The following NVL variants were observed in gnomAD, a reference collection of about 807,000 sequenced individuals.
NVL encodes nuclear VCP like.
A neutral mutation model predicts 110.2 loss-of-function variants in NVL; 84 were observed. The ratio of observed to expected loss-of-function variants is 0.76; its 90% CI spans 0.64 to 0.91. NVL has a LOEUF of 0.91. Ranked by LOEUF, NVL falls within the 40% of genes least tolerant of loss-of-function variation. The probability of loss-of-function intolerance (pLI) is 0.00; values close to 1 mark genes in which losing one functional copy is unlikely to be tolerated. For missense variants in NVL, 882 were observed against 1,035.9 expected, an observed-to-expected ratio of 0.85 and a Z score of 2.04; for synonymous variants, 354 against 361.1, an observed-to-expected ratio of 0.98 and a Z score of 0.22.
chr1:224,320,927 C>T (rs1670581599), intron 2 of NVL, among the ~76,000 whole-genome samples: 1 of 152,086 alleles, frequency 6.6e-6, no homozygotes, highest in South Asian at 2.1e-4. Context: ...TTAGATGAGG[C>T]AAATATTGTA....
chr1:224,249,454 G>T lies in NVL; in HGVS notation c.2289+758C>A, dbSNP rs146123862. Among the ~76,000 whole-genome samples the T allele has an allele frequency of 5.5e-3, 836 of 152,114 alleles. 4 individuals carry two copies. Among genetic ancestry groups the T allele is most frequent in the Middle Eastern group, 0.014 (4 of 294 alleles). Reference sequence around the variant, plus strand: ...TTATTTATTTATTTTTAAATATAGGGTCTTGCGGGGTCTGGTGCGGTGGCT... The same window carrying T: ...TTATTTATTTATTTTTAAATATAGGTTCTTGCGGGGTCTGGTGCGGTGGCT... On this transcript the variant is annotated intron_variant, in intron 19 of 22. Transcript: ENST00000281701.
At chr1:224,252,778 G>A (rs879819598) in intron 18 of NVL, among the ~76,000 whole-genome samples, 11 of 152,186 alleles carry the variant, frequency 7.2e-5, no homozygotes, top group Admixed American at 7.2e-4. Flanking sequence ...AGCAGAGGTT[G>A]TCAAATATTC....
chr1:224,263,736 T>A (rs532716822), intron 18 of NVL, among the ~76,000 whole-genome samples: 24 of 152,364 alleles, frequency 1.6e-4, no homozygotes, highest in Non-Finnish European at 3.4e-4. Context: ...GCTCAGAGTA[T>A]CTTTTGTGTC....
At chr1:224,271,710 G>A (rs1452183990) in intron 17 of NVL, among the ~76,000 whole-genome samples, 1 of 151,986 alleles carries the variant, frequency 6.6e-6, no homozygotes, top group Non-Finnish European at 1.5e-5. Flanking sequence ...TATAACTAGT[G>A]CAATTAAAAA....
intron 18 of NVL, among the ~76,000 whole-genome samples, chr1:224,260,273 C>G (rs2897054): frequency 6.6e-6 from 1 of 152,012 alleles, no homozygotes; most frequent in Non-Finnish European, 1.5e-5. Flanking sequence ...CTGATAATTA[C>G]TATTATTTTT....
chr1:224,293,963 G>A (rs554323428), intron 12 of NVL, among the ~76,000 whole-genome samples: 1 of 152,264 alleles, frequency 6.6e-6, no homozygotes, highest in East Asian at 1.9e-4. Flanking sequence ...CTACAGGTGT[G>A]TGCACAGCTG....
At chr1:224,256,438 A>AC in intron 18 of NVL, among the ~76,000 whole-genome samples, 1 of 150,310 alleles carries the variant, frequency 6.7e-6, no homozygotes, top group Admixed American at 6.7e-5. Context: ...AAAAAAAAAA[A>AC]AAAAAAAAAC....
At chr1:224,301,750 T>A in intron 9 of NVL, 1 of 249,738 alleles carries the variant, frequency 4.0e-6, no homozygotes, top group South Asian at 3.1e-5. Flanking sequence ...CAGTGAGCTG[T>A]GATCATGCCA....
intron 18 of NVL, among the ~76,000 whole-genome samples, chr1:224,250,867 G>C (rs552408511): frequency 6.6e-4 from 100 of 152,262 alleles, no homozygotes; most frequent in African/African-American, 2.2e-3. Flanking sequence ...ATGTTGCCCA[G>C]GCTAGTCTTG....
In NVL at chr1:224,305,085, CT is replaced by C; in HGVS notation, c.696del (p.Glu233LysfsTer6). ...KLKNKGSKRK[K>X]EDLQEVDGEI... is the part of the protein sequence containing the mutation. The stretch of plus-strand genomic sequence containing the variant: ...TCTCCATCTACTTCCTGAAGATCTT[CT>C]TTCTTCCTTTTGCTTCCTTTATTCT... On this transcript the variant is annotated frameshift_variant, in exon 7 of 23. Coordinates refer to ENST00000281701, the MANE Select transcript of NVL (RefSeq NM_002533.4). LOFTEE classifies it high-confidence loss of function. 6.2e-7 allele frequency: 1 copy of C among 1,613,832 alleles called. No individual in the cohort carries two copies. Among genetic ancestry groups the C allele is most frequent in the Non-Finnish European group, 8.5e-7 (1 of 1,179,904 alleles).
intron 19 of NVL, among the ~76,000 whole-genome samples, chr1:224,239,255 T>A (rs1453059080): frequency 2.0e-5 from 3 of 152,202 alleles, no homozygotes; most frequent in Non-Finnish European, 4.4e-5. Flanking sequence ...AAGTTCAAAT[T>A]TGCAACTGAA....
chr1:224,250,762 C>T (rs1480211479), intron 18 of NVL, among the ~76,000 whole-genome samples: 1 of 152,094 alleles, frequency 6.6e-6, no homozygotes, highest in Non-Finnish European at 1.5e-5. Flanking sequence ...CATTCTTATG[C>T]TTTGTGTCCT....
chr1:224,247,222 T>G (rs1661948863), intron 19 of NVL, among the ~76,000 whole-genome samples: 1 of 152,130 alleles, frequency 6.6e-6, no homozygotes, highest in South Asian at 2.1e-4. Flanking sequence ...TTTTTTCCTT[T>G]GAGACAGGGT....
At chr1:224,296,682 AG>A (rs1216227703) in intron 10 of NVL, 64 bp from the exon 11 acceptor site, 1 of 965,322 alleles carries the variant, frequency 1.0e-6, no homozygotes, top group Non-Finnish European at 1.5e-6. Context: ...AGCACAATTA[AG>A]CATATACATT....
intron 19 of NVL, among the ~76,000 whole-genome samples, chr1:224,243,652 C>T (rs909787624): frequency 2.6e-4 from 38 of 144,374 alleles, no homozygotes; most frequent in Middle Eastern, 3.7e-3. Flanking sequence ...ATCAGGTATT[C>T]TTAAGTCATA....
intron 15 of NVL, among the ~76,000 whole-genome samples, chr1:224,284,869 T>C (rs1012472323): frequency 1.3e-5 from 2 of 152,186 alleles, no homozygotes; most frequent in Admixed American, 6.5e-5. Context: ...ACTTTAATAA[T>C]ATGGCTCAAA....
chr1:224,243,174 G>T (rs1477319223), intron 19 of NVL, among the ~76,000 whole-genome samples: 1 of 151,914 alleles, frequency 6.6e-6, no homozygotes, highest in Non-Finnish European at 1.5e-5. Context: ...AAAAATTAAT[G>T]AAAGGGCCGG....
At chr1:224,294,170 G>C (rs1571977693) in intron 12 of NVL, 97 bp downstream of exon 12, 17 of 1,283,106 alleles carry the variant, frequency 1.3e-5, no homozygotes, top group Non-Finnish European at 1.8e-5. Flanking sequence ...GAAAGAGAGA[G>C]AAAGAAAAGG....
In NVL at chr1:224,308,749, C is replaced by G. The variant is rs554562596; in HGVS notation, c.343-486G>C. ...TGTTCACAATAAGATGACTCACAAA[C>G]AAGCATTTACTATTCAAAAAGACTT... On this transcript the variant is annotated intron_variant, in intron 5 of 22. Coordinates refer to ENST00000281701, the MANE Select transcript of NVL (RefSeq NM_002533.4). Among the ~76,000 whole-genome samples the G allele has an allele frequency of 2.8e-5, 4 of 144,404 alleles. No homozygotes were observed. The East Asian group carries it at 8.3e-4, about 30-fold the overall frequency. The allele number at this position is 144,404 out of a possible 152,430, so 94.7% of individuals were successfully genotyped here.
Sources: gnomAD v4.1 joint callset for allele counts (sites outside exome capture counted in the v4.1 genomes callset) on GRCh38, gnomAD v4.1.1 for gene constraint, MANE v1.5 for transcripts, NCBI Gene and HGNC (gene_info 2026-07-23, HGNC 2026-07-21) for gene names.